Variants in PHC1 observed in about 807,000 individuals in gnomAD.
The protein encoded by PHC1 is polyhomeotic-like protein 1.
Under a neutral mutation model 104.3 loss-of-function variants are expected in PHC1, and 12 were observed. That is an observed-to-expected ratio of 0.12 (90% confidence interval 0.07 to 0.19). The LOEUF is 0.19. PHC1 is among the 10% of genes least tolerant of loss of function. The probability of loss-of-function intolerance (pLI) is 1.00; values close to 1 mark genes in which losing one functional copy is unlikely to be tolerated. For missense variants in PHC1, 671 were observed against 1,200.0 expected (o/e 0.56, Z 6.51); for synonymous variants, 302 against 455.8 (o/e 0.66, Z 4.30).
intron 10 of PHC1, among the ~76,000 whole-genome samples, 179 bp from the exon 11 acceptor site, chr12:8,934,945 T>C (rs1447398301): frequency 1.3e-5 from 2 of 151,992 alleles, no homozygotes; most frequent in African/African-American, 4.8e-5. Context: ...TTCCAAACAT[T>C]GTATAGAGAC....
upstream of PHC1, among the ~76,000 whole-genome samples, chr12:8,914,214 G>T (rs961806377): frequency 6.6e-6 from 1 of 151,852 alleles, no homozygotes; most frequent in Non-Finnish European, 1.5e-5. Flanking sequence ...TCTCCTCTCC[G>T]AGAGGTGCGT....
rs1488957435 is a variant in PHC1 at position 8,933,246 on chromosome 12, C to T, written c.1789C>T (p.Pro597Ser). 6.7e-7 allele frequency: 1 copy of T among 1,495,494 alleles called. No homozygotes were observed. Among genetic ancestry groups the T allele is most frequent in the East Asian group, 2.5e-5 (1 of 40,048 alleles). 92.6% of individuals were successfully genotyped at this position (1,495,494 alleles called of 1,614,324 possible). ...PTLAPGMTLA[P>S]VQGTAHVVKG... ...ATTGGCCCCTGGGATGACCCTTGCT[C>T]CTGTGCAGGGGACAGCACATGTGGT... The change falls in exon 8 of 15, where the codon CCT becomes TCT. Residue 597 changes from proline (P) to serine (S), a missense_variant. Physicochemically the swap from Pro to Ser is moderately conservative, Grantham distance 74. Around this residue, in one of 9 missense-constraint regions of PHC1, gnomAD observed 26 missense variants for 130.8 expected, o/e 0.20. Transcript: ENST00000544916.
In PHC1 at chr12:8,921,137, C is replaced by G; in HGVS notation, c.306+72C>G. ...GTCTCTGGGTTAAATTACTTTGTGC[C>G]GCTGATCTGAGAGTGTTTATTGAGC... On this transcript the variant is annotated intron_variant, in intron 4 of 14. Coordinates refer to ENST00000544916, the MANE Select transcript of PHC1 (RefSeq NM_004426.3). 5 of 1,139,918 alleles carry G rather than the reference C, an allele frequency of 4.4e-6. 1 individual carries two copies. The highest frequency in any genetic ancestry group is 6.4e-6 in the Non-Finnish European group (5 of 785,946). The allele number at this position is 1,139,918 out of a possible 1,614,324, so 70.6% of individuals were successfully genotyped here.
At chr12:8,924,380 A>G (rs1430309018) in intron 6 of PHC1, among the ~76,000 whole-genome samples, 1 of 152,120 alleles carries the variant, frequency 6.6e-6, no homozygotes, top group African/African-American at 2.4e-5. Context: ...GGAGGTTGAG[A>G]CAGAAGAATT....
intron 7 of PHC1, among the ~76,000 whole-genome samples, chr12:8,931,208 T>C (rs1945674174): frequency 6.6e-6 from 1 of 152,198 alleles, no homozygotes; most frequent in Admixed American, 6.5e-5. Flanking sequence ...GTTTTATCAC[T>C]CTGTCTATTC....
At position 8,938,037 on chromosome 12, in the gene PHC1, A is replaced by G. The variant is rs1403200109; in HGVS notation, c.2837A>G (p.Tyr946Cys). 1 of 1,606,568 alleles carries G rather than the reference A, an allele frequency of 6.2e-7. No homozygotes were observed. The highest frequency in any genetic ancestry group is 1.3e-5 in the African/African-American group (1 of 74,478). Residue 946 changes from tyrosine (Y) to cysteine (C), a missense_variant, in exon 14 of 15, where the codon TAC (tyrosine) becomes TGC (cysteine). By Grantham distance (194) the Tyr-to-Cys change is radical (BLOSUM62 -2). Coordinates refer to ENST00000544916, the MANE Select transcript of PHC1 (RefSeq NM_004426.3). ...AGCCGTTGGAGTGTAGAGGAGGTGT[A>G]CGAGTTTATTGCTTCTCTCCAAGGT... The part of the protein sequence containing the change: ...NPSRWSVEEV[Y>C]EFIASLQGCQ...
Position 8,934,322 on chromosome 12 carries a change from A to G in PHC1, c.2097A>G (p.Val699=), listed in dbSNP as rs1945773580. Residue 699 remains valine (V), a synonymous_variant, in exon 10 of 15, where the codon GTA becomes GTG. Transcript: ENST00000544916. ...CTAATACTCCAAGCAGTGAACTAGT[A>G]GCCTTGACCCCCGCCCCTTCAGTAC... The part of the protein sequence containing the change: ...VNANTPSSEL[V]ALTPAPSVPP... The G allele has an allele frequency of 6.2e-7, 1 of 1,614,036 alleles. No homozygotes were observed. Among genetic ancestry groups the G allele is most frequent in the African/African-American group, 1.3e-5 (1 of 74,922 alleles).
intron 3 of PHC1, 36 bp from the exon 4 acceptor site, chr12:8,920,949 T>C: frequency 1.4e-5 from 20 of 1,462,296 alleles, no homozygotes; most frequent in Non-Finnish European, 1.8e-5. Context: ...TCCTTCACTG[T>C]CTTTGCTATT....
chr12:8,934,236 G>A, intron 9 of PHC1, 31 bp from the exon 10 acceptor site: 1 of 1,544,938 alleles, frequency 6.5e-7, no homozygotes, highest in South Asian at 1.1e-5. Context: ...GTCATCTCAT[G>A]TCTGTTGCTT....
Position 8,930,698 on chromosome 12 carries a change from T to G in PHC1, c.876T>G (p.Gly292=). The G allele has an allele frequency of 7.7e-7, 1 of 1,303,766 alleles. No individual in the cohort carries two copies. The highest frequency in any genetic ancestry group is 1.1e-6 in the Non-Finnish European group (1 of 939,642). 80.8% of individuals were successfully genotyped at this position (1,303,766 alleles called of 1,614,324 possible). Residue 292 remains glycine, a synonymous_variant, in exon 7 of 15, where the codon GGT becomes GGG. Transcript: ENST00000544916. The stretch of plus-strand genomic sequence containing the variant: ...GTGGGCAGGCACATGGTGGTTTGGG[T>G]CAGTTGCCTTCCTCAGGAATGGGTG... ...GGGGQAHGGL[G]QLPSSGMGGG...
intron 7 of PHC1, 44 bp from the exon 8 acceptor site, chr12:8,932,519 C>A: frequency 6.3e-7 from 1 of 1,590,296 alleles, no homozygotes. Context: ...TTATTATTCT[C>A]TGCTCTTTTT....
chr12:8,935,917 C>T (rs761253043), intron 11 of PHC1, among the ~76,000 whole-genome samples: 24 of 151,992 alleles, frequency 1.6e-4, no homozygotes, highest in Non-Finnish European at 2.9e-4. Flanking sequence ...TGCGCCACCA[C>T]GCCTGGCTAA....
chr12:8,925,569 A>T (rs1449209607), intron 6 of PHC1, among the ~76,000 whole-genome samples: 1 of 152,064 alleles, frequency 6.6e-6, no homozygotes, highest in African/African-American at 2.4e-5. Flanking sequence ...GTGGAAGGAG[A>T]GTGTTGGAGG....
Position 8,914,656 on chromosome 12 carries a change from C to T in PHC1, c.-220C>T, listed in dbSNP as rs1758526153. 1 of 150,050 alleles carries T rather than the reference C, an allele frequency of 6.7e-6. No individual in the cohort carries two copies. The highest frequency in any genetic ancestry group is 2.0e-4 in the East Asian group (1 of 5,068). The allele number at this position is 150,050 out of a possible 1,614,324, so 9.3% of individuals were successfully genotyped here. A position where few individuals can be genotyped will look rare whatever the true frequency, so the allele number is the denominator to read the frequency against. ...GAGGGGCGGGGAGCCGCGGTCGCGCCGGGCGCCTCCCACCCCGCCCTCGGC... is the reference window on the plus strand; with the variant it reads ...GAGGGGCGGGGAGCCGCGGTCGCGCTGGGCGCCTCCCACCCCGCCCTCGGC... On this transcript the variant is annotated 5_prime_UTR_variant, in exon 1 of 15. Coordinates refer to ENST00000544916, the MANE Select transcript of PHC1 (RefSeq NM_004426.3).
At chr12:8,926,871 C>T (rs922631656) in intron 6 of PHC1, among the ~76,000 whole-genome samples, 28 of 152,112 alleles carry the variant, frequency 1.8e-4, no homozygotes, top group African/African-American at 5.8e-4. Flanking sequence ...GCCGAGATCG[C>T]GCCGTTGTAC....
intron 14 of PHC1, 61 bp from the exon 15 acceptor site, chr12:8,939,244 C>A: frequency 6.3e-7 from 1 of 1,596,978 alleles, no homozygotes; most frequent in African/African-American, 1.3e-5. Flanking sequence ...ACCTCAGTTT[C>A]ATTTAGCTTC....
rs12810327 is a variant in PHC1 at position 8,932,856 on chromosome 12, C to A, written c.1399C>A (p.Gln467Lys). 7.5e-3 allele frequency: 9,281 copies of A among 1,234,088 alleles called. 4 individuals are homozygous for A. Among genetic ancestry groups the A allele is most frequent in the Non-Finnish European group, 8.2e-3 (6,919 of 840,802 alleles). The allele number at this position is 1,234,088 out of a possible 1,614,324, so 76.4% of individuals were successfully genotyped here. A position where few individuals can be genotyped will look rare whatever the true frequency, so the allele number is the denominator to read the frequency against. ...QQVPPSQSQQ[Q>K]AQTLVVQPML... ...GGTCCCACCTTCCCAGTCCCAGCAG[C>A]AAGCCCAAACCCTGGTCGTTCAGCC... Residue 467 changes from glutamine (Q) to lysine (K), a missense_variant, in exon 8 of 15, where the codon CAA becomes AAA. By Grantham distance (53) the Gln-to-Lys change is moderately conservative. This residue lies in a region of PHC1 where 26 missense variants were observed against 130.8 expected (regional missense o/e 0.20). Coordinates refer to ENST00000544916, the MANE Select transcript of PHC1 (RefSeq NM_004426.3).
At chr12:8,917,368 G>A (rs546207323) in intron 1 of PHC1, among the ~76,000 whole-genome samples, 6 of 152,162 alleles carry the variant, frequency 3.9e-5, no homozygotes, top group South Asian at 2.1e-4. Context: ...CATTCTGGCC[G>A]TTTTATTTAA....
intron 7 of PHC1, 49 bp from the exon 8 acceptor site, chr12:8,932,514 A>T: frequency 1.9e-6 from 3 of 1,582,472 alleles, no homozygotes; most frequent in Middle Eastern, 1.7e-4. Context: ...AATGATTATT[A>T]TTCTCTGCTC....
Sources: gnomAD v4.1 joint callset for allele counts (sites outside exome capture counted in the v4.1 genomes callset) on GRCh38, gnomAD v4.1.1 for gene constraint, gnomAD v4.1.1 regional missense constraint, MANE v1.5 for transcripts, NCBI Gene and HGNC (gene_info 2026-07-23, HGNC 2026-07-21) for gene names.